NAV3: variants seen among roughly 807,000 people sequenced by gnomAD.
NAV3 encodes the protein pore membrane and/or filament interacting like protein 1.
A neutral mutation model predicts 244.7 loss-of-function variants in NAV3; 87 were observed. That is an observed-to-expected ratio of 0.36 (90% CI 0.30 to 0.42). The LOEUF (loss-of-function observed/expected upper bound fraction) is 0.42. Ranked by LOEUF, NAV3 falls within the 20% of genes least tolerant of loss-of-function variation. NAV3 has a pLI of 1.00. For missense variants in NAV3, 2,663 were observed against 2,893.3 expected (o/e 0.92, Z 1.83); for synonymous variants, 1,126 against 1,042.2 (o/e 1.08, Z -1.55).
intron 1 of NAV3, among the ~76,000 whole-genome samples, chr12:77,883,778 T>C (rs1368889030): frequency 6.6e-6 from 1 of 152,178 alleles, no homozygotes; most frequent in Non-Finnish European, 1.5e-5. Flanking sequence ...GGGTTTTTGC[T>C]ATCACCAGTT....
At chr12:78,164,493 ACT>A (rs1434647392) in intron 23 of NAV3, among the ~76,000 whole-genome samples, 3 of 151,872 alleles carry the variant, frequency 2.0e-5, no homozygotes, top group African/African-American at 7.3e-5. Flanking sequence ...TTTTACATTA[ACT>A]CTCCCTAATT....
At chr12:78,019,925 A>G (rs1009140559) in intron 8 of NAV3, among the ~76,000 whole-genome samples, 2 of 152,220 alleles carry the variant, frequency 1.3e-5, no homozygotes, top group Admixed American at 6.5e-5. Context: ...AGCCAAGAAG[A>G]AATGTCAATT....
At chr12:78,143,284 A>G in intron 20 of NAV3, 1 of 444,692 alleles carries the variant, frequency 2.2e-6, no homozygotes, top group Non-Finnish European at 4.5e-6. Context: ...TCACAAGCCT[A>G]ACCTGATCTG....
chr12:77,724,383 C>A (rs1332294421), intron 2 of NAV3, among the ~76,000 whole-genome samples: 2 of 151,908 alleles, frequency 1.3e-5, no homozygotes, highest in East Asian at 1.9e-4. Context: ...TACAAATTAT[C>A]TTGCCTGATA....
In NAV3 at chr12:77,969,504, C is replaced by G. The variant is rs576777457; in HGVS notation, c.671+802C>G. On this transcript the variant is annotated intron_variant, in intron 5 of 39. Transcript: ENST00000397909. ...CTCATCATGAGTTGAAATTGCAGTACGCAGGTAGAATTTCTCCTCTGAAGG... is the reference window on the plus strand; with the variant it reads ...CTCATCATGAGTTGAAATTGCAGTAGGCAGGTAGAATTTCTCCTCTGAAGG... 2.6e-5 allele frequency among the ~76,000 whole-genome samples: 4 copies of G among 152,150 alleles called. No individual in the cohort carries two copies. The South Asian group carries it at 8.3e-4, about 32-fold the overall frequency.
intron 24 of NAV3, among the ~76,000 whole-genome samples, chr12:78,170,352 C>T (rs888909324): frequency 1.3e-5 from 2 of 151,638 alleles, no homozygotes; most frequent in Non-Finnish European, 2.9e-5. Flanking sequence ...CCGTTGATCC[C>T]ATTCCTTAAA....
At chr12:77,878,474 C>A (rs1293885577) in intron 1 of NAV3, among the ~76,000 whole-genome samples, 4 of 151,958 alleles carry the variant, frequency 2.6e-5, no homozygotes, top group African/African-American at 9.7e-5. Flanking sequence ...ACTGATCTGC[C>A]CATCTCGGCC....
intron 2 of NAV3, among the ~76,000 whole-genome samples, chr12:77,822,848 G>C (rs1872803047): frequency 6.6e-6 from 1 of 152,076 alleles, no homozygotes; most frequent in Non-Finnish European, 1.5e-5. Flanking sequence ...AGGTTCTTAA[G>C]GTCGAATGTG....
chr12:77,741,148 C>CAAAAAA, intron 2 of NAV3, among the ~76,000 whole-genome samples: 116 of 68,574 alleles, frequency 1.7e-3, no homozygotes, highest in African/African-American at 2.8e-3. Context: ...AAAAAAAAGA[C>CAAAAAA]AAAAAAAAAA....
At chr12:77,592,526 G>A (rs1308671022) in intron 2 of NAV3, among the ~76,000 whole-genome samples, 1 of 151,974 alleles carries the variant, frequency 6.6e-6, no homozygotes, top group African/African-American at 2.4e-5. Context: ...ACATCCAATC[G>A]TGCTCACACA....
At chr12:78,120,052 G>GTA (rs200965205) in intron 15 of NAV3, 107 bp downstream of exon 15, 7 of 499,036 alleles carry the variant, frequency 1.4e-5, no homozygotes, top group Admixed American at 5.9e-5. Flanking sequence ...TATGTATAAG[G>GTA]TATATATATA....
At chr12:78,042,517 G>A (rs1341385278) in intron 9 of NAV3, among the ~76,000 whole-genome samples, 1 of 152,214 alleles carries the variant, frequency 6.6e-6, no homozygotes. Flanking sequence ...CCTCAGCCGG[G>A]CATGGTGGCT....
At chr12:77,577,200 G>T (rs907291738) in intron 2 of NAV3, among the ~76,000 whole-genome samples, 1 of 152,042 alleles carries the variant, frequency 6.6e-6, no homozygotes, top group Non-Finnish European at 1.5e-5. Flanking sequence ...TTCTACCTCT[G>T]CTTCATACTT....
chr12:78,199,624 C>A, intron 37 of NAV3, 93 bp downstream of exon 37: 3 of 902,848 alleles, frequency 3.3e-6, no homozygotes, highest in South Asian at 2.3e-5. Context: ...ACAAGCAAAG[C>A]TAATGCTTAT....
chr12:77,672,012 A>G (rs1383492144), intron 2 of NAV3, among the ~76,000 whole-genome samples: 1 of 152,226 alleles, frequency 6.6e-6, no homozygotes, highest in African/African-American at 2.4e-5. Flanking sequence ...TGCCTCCGAC[A>G]AAAGACCAAT....
intron 1 of NAV3, among the ~76,000 whole-genome samples, chr12:77,840,085 AT>A (rs1197563818): frequency 6.6e-6 from 1 of 152,180 alleles, no homozygotes; most frequent in Non-Finnish European, 1.5e-5. Context: ...AAATAAAAAA[AT>A]AAAAATAAAG....
chr12:78,050,478 G>A (rs148171465), intron 10 of NAV3, among the ~76,000 whole-genome samples: 1 of 152,248 alleles, frequency 6.6e-6, no homozygotes, highest in African/African-American at 2.4e-5. Flanking sequence ...TTTCAGAATA[G>A]GTCTGGGAAG....
intron 1 of NAV3, among the ~76,000 whole-genome samples, chr12:77,905,666 A>G (rs1885891745): frequency 6.6e-6 from 1 of 152,096 alleles, no homozygotes; most frequent in South Asian, 2.1e-4. Flanking sequence ...TACTCTTGGA[A>G]GTTTTTGGAG....
chr12:77,628,281 T>C (rs1326307142), intron 2 of NAV3, among the ~76,000 whole-genome samples: 1 of 152,176 alleles, frequency 6.6e-6, no homozygotes, highest in Non-Finnish European at 1.5e-5. Flanking sequence ...GTACAATTAT[T>C]ATGTATCAAT....
Sources: gnomAD v4.1 joint callset for allele counts (sites outside exome capture counted in the v4.1 genomes callset) on GRCh38, gnomAD v4.1.1 for gene constraint, MANE v1.5 for transcripts, NCBI Gene and HGNC (gene_info 2026-07-23, HGNC 2026-07-21) for gene names.